HOMER2: variants seen among roughly 807,000 people sequenced by gnomAD.
HOMER2 encodes the protein homer scaffold protein 2.
Under a neutral mutation model 47.0 loss-of-function variants are expected in HOMER2, and 27 were observed. The observed-to-expected ratio is 0.57, with a 90% confidence interval of 0.42 to 0.79. HOMER2 has a LOEUF of 0.79. Ranked by LOEUF, HOMER2 falls within the 30% of genes least tolerant of loss-of-function variation. The pLI, the probability that HOMER2 is intolerant of heterozygous loss-of-function variation, is 0.00. For missense variants in HOMER2, 443 were observed against 435.0 expected, an observed-to-expected ratio of 1.02 and a Z score of -0.16; for synonymous variants, 161 against 163.8, an observed-to-expected ratio of 0.98 and a Z score of 0.13.
chr15:82,881,658 G>A (rs1259979155), intron 2 of HOMER2, among the ~76,000 whole-genome samples: 1 of 152,158 alleles, frequency 6.6e-6, no homozygotes, highest in Non-Finnish European at 1.5e-5. Context: ...GAGTGGACGA[G>A]CAGAGCCTGA....
At chr15:82,900,572 A>C (rs1372230467) in intron 1 of HOMER2, among the ~76,000 whole-genome samples, 1 of 152,228 alleles carries the variant, frequency 6.6e-6, no homozygotes, top group Non-Finnish European at 1.5e-5. Flanking sequence ...GTATTATTAT[A>C]AAGTTATAGC....
intron 7 of HOMER2, 53 bp downstream of exon 7, chr15:82,852,089 C>A (rs796599114): frequency 7.8e-7 from 1 of 1,288,300 alleles, no homozygotes; most frequent in Admixed American, 1.8e-5. Context: ...TGTGTGCCAC[C>A]CCGCAAGGCC....
chr15:82,882,032 G>A (rs1018651624), intron 2 of HOMER2, among the ~76,000 whole-genome samples: 1 of 152,246 alleles, frequency 6.6e-6, no homozygotes, highest in Non-Finnish European at 1.5e-5. Context: ...ATTAACCAAT[G>A]CTCTGAAAAT....
intron 1 of HOMER2, among the ~76,000 whole-genome samples, chr15:82,978,879 C>T (rs2030296820): frequency 6.6e-6 from 1 of 152,208 alleles, no homozygotes; most frequent in Non-Finnish European, 1.5e-5. Flanking sequence ...TGCCACCACA[C>T]CCAGCTAATT....
intron 1 of HOMER2, among the ~76,000 whole-genome samples, chr15:82,965,070 A>C (rs2054661447): frequency 6.6e-6 from 1 of 152,090 alleles, no homozygotes; most frequent in Non-Finnish European, 1.5e-5. Flanking sequence ...TCCAGGCTGG[A>C]GTGCAGTGGT....
intron 2 of HOMER2, among the ~76,000 whole-genome samples, chr15:82,889,587 C>T (rs1180062049): frequency 2.6e-5 from 4 of 152,132 alleles, no homozygotes; most frequent in Admixed American, 6.5e-5. Flanking sequence ...AGACAGCAGG[C>T]GATCCATCTG....
At chr15:82,971,825 G>A (rs1363223957) in intron 1 of HOMER2, among the ~76,000 whole-genome samples, 1 of 152,176 alleles carries the variant, frequency 6.6e-6, no homozygotes, top group Non-Finnish European at 1.5e-5. Flanking sequence ...GTAATATTAT[G>A]ACTGTCATCT....
intron 1 of HOMER2, among the ~76,000 whole-genome samples, chr15:82,920,327 C>A (rs1457348713): frequency 6.6e-6 from 1 of 152,144 alleles, no homozygotes; most frequent in Non-Finnish European, 1.5e-5. Context: ...CTGGATGTAT[C>A]CTAGGGCTGC....
At chr15:82,955,420 C>T (rs1364805015), upstream of HOMER2, among the ~76,000 whole-genome samples, 7 of 152,064 alleles carry the variant, frequency 4.6e-5, no homozygotes, top group African/African-American at 9.7e-5. Context: ...CCGCCTGCCT[C>T]GGCCTCCCAA....
At chr15:82,837,881 G>A (rs1447477778) in exon 2 of HOMER2, 1 of 152,300 alleles carries the variant, frequency 6.6e-6, no homozygotes, top group East Asian at 1.9e-4. Flanking sequence ...ATGAAAACAT[G>A]AATGAATGAT....
chr15:82,925,997 C>A (rs1392363449), intron 1 of HOMER2: 1 of 152,154 alleles, frequency 6.6e-6, no homozygotes, highest in Non-Finnish European at 1.5e-5. Context: ...ATGGTTCTTC[C>A]AGCTGGGCTC....
chr15:82,876,056 G>C (rs911823805), intron 2 of HOMER2, among the ~76,000 whole-genome samples: 1 of 152,202 alleles, frequency 6.6e-6, no homozygotes, highest in Non-Finnish European at 1.5e-5. Context: ...GACCCTGGGA[G>C]GGGGAGGGGT....
chr15:82,894,019 A>G (rs1276443226), intron 1 of HOMER2, among the ~76,000 whole-genome samples: 1 of 151,786 alleles, frequency 6.6e-6, no homozygotes, highest in Non-Finnish European at 1.5e-5. Context: ...ACCTGACCAA[A>G]CCTTCAAATT....
chr15:82,856,222 T>C (rs1030590008), intron 5 of HOMER2, among the ~76,000 whole-genome samples: 1 of 152,244 alleles, frequency 6.6e-6, no homozygotes, highest in Non-Finnish European at 1.5e-5. Flanking sequence ...CCCATTCTTG[T>C]AGTACCTCAC....
At position 82,851,187 on chromosome 15, in the gene HOMER2, G is replaced by A; in HGVS notation, c.807C>T (p.Leu269=). The A allele has an allele frequency of 1.9e-6, 3 of 1,574,998 alleles. No individual in the cohort carries two copies. The highest frequency in any genetic ancestry group is 2.6e-6 in the Non-Finnish European group (3 of 1,158,470). Residue 269 remains leucine, a synonymous_variant, in exon 8 of 9, where the codon CTC becomes CTT. Coordinates refer to ENST00000450735, the MANE Select transcript of HOMER2 (RefSeq NM_004839.4). The part of the protein sequence containing the change: ...LRKQSEIIPQ[L]MSECEYVSEK... ...CAGAGACATATTCGCACTCTGACAT[G>A]AGCTGAGGTATGATTTCACTTTGTT...
chr15:82,839,478 G>A (rs2051155139), exon 2 of HOMER2: 1 of 152,130 alleles, frequency 6.6e-6, no homozygotes. Context: ...AAGATACAAA[G>A]GATTTCTGAA....
chr15:82,958,525 T>C (rs775019002), exon 2 of HOMER2: 1 of 152,214 alleles, frequency 6.6e-6, no homozygotes, highest in African/African-American at 2.4e-5. Flanking sequence ...AGTGGAGATT[T>C]TGAAGTAGGA....
intron 1 of HOMER2, among the ~76,000 whole-genome samples, chr15:82,925,260 C>T (rs1027138503): frequency 1.5e-4 from 23 of 152,206 alleles, no homozygotes; most frequent in African/African-American, 5.3e-4. Flanking sequence ...GTGCCTCTCA[C>T]GCCTGTTTAG....
At chr15:82,949,185 C>G (rs1435384679) in intron 1 of HOMER2, among the ~76,000 whole-genome samples, 1 of 152,080 alleles carries the variant, frequency 6.6e-6, no homozygotes, top group African/African-American at 2.4e-5. Flanking sequence ...CATGTATTGA[C>G]GAGAGTCAGA....
Sources: allele counts gnomAD v4.1 joint callset (sites outside exome capture counted in the v4.1 genomes callset), GRCh38; gene constraint gnomAD v4.1.1; transcripts MANE v1.5; gene names NCBI Gene and HGNC (gene_info 2026-07-23, HGNC 2026-07-21).